The following ZRANB3 variants were observed in gnomAD, a reference collection of about 807,000 sequenced individuals.
The protein encoded by ZRANB3 is zinc finger RANBP2-type containing 3.
In ZRANB3, 125 loss-of-function variants were observed where a neutral mutation model predicts 133.8. The ratio of observed to expected loss-of-function variants is 0.93; its 90% CI spans 0.81 to 1.08. The LOEUF (loss-of-function observed/expected upper bound fraction) is 1.08, where lower values mean the gene tolerates loss of function less well. ZRANB3 is among the 50% of genes least tolerant of loss of function. The pLI, the probability that ZRANB3 is intolerant of heterozygous loss-of-function variation, is 0.00. For synonymous variants in ZRANB3, 387 were observed against 432.7 expected (o/e 0.89, Z 1.31); for missense variants, 1,229 against 1,275.5 (o/e 0.96, Z 0.56).
intron 3 of ZRANB3, among the ~76,000 whole-genome samples, chr2:135,369,598 A>G (rs1686080165): frequency 6.6e-6 from 1 of 152,268 alleles, no homozygotes; most frequent in South Asian, 2.1e-4. Flanking sequence ...AAGCAATGCA[A>G]GTTTTTTACA....
intron 1 of ZRANB3, among the ~76,000 whole-genome samples, chr2:135,523,869 A>C (rs1291920496): frequency 6.6e-6 from 1 of 152,206 alleles, no homozygotes; most frequent in Admixed American, 6.5e-5. Context: ...AGGGGTGAAG[A>C]TTGTGGGCCA....
intron 2 of ZRANB3, among the ~76,000 whole-genome samples, chr2:135,421,852 C>G (rs950296820): frequency 6.8e-6 from 1 of 146,154 alleles, no homozygotes; most frequent in African/African-American, 2.5e-5. Flanking sequence ...GCTTCTTGTT[C>G]TCCTCCTTCT....
At chr2:135,260,115 G>A (rs376247126) in intron 12 of ZRANB3, among the ~76,000 whole-genome samples, 6 of 152,280 alleles carry the variant, frequency 3.9e-5, no homozygotes, top group Admixed American at 1.3e-4. Flanking sequence ...ACAGCCTTTC[G>A]TTGCTTAGAA....
Position 135,198,133 on chromosome 2 carries a change from T to C in ZRANB3, c.*2209A>G, listed in dbSNP as rs538556252. 2 of 152,356 alleles carry C rather than the reference T, an allele frequency of 1.3e-5. No homozygotes were observed. Among genetic ancestry groups the C allele is most frequent in the East Asian group, 3.9e-4 (2 of 5,182 alleles). The allele number at this position is 152,356 out of a possible 1,614,324, so 9.4% of individuals were successfully genotyped here. Reference sequence around the variant, plus strand: ...TCTTCCTGGGGCATCTGCACTTCCTTCTGCACTCAGGATCTGCCACTTGCT... The same window carrying C: ...TCTTCCTGGGGCATCTGCACTTCCTCCTGCACTCAGGATCTGCCACTTGCT... On this transcript the variant is annotated 3_prime_UTR_variant, in exon 21 of 21. Coordinates refer to ENST00000264159, the MANE Select transcript of ZRANB3 (RefSeq NM_032143.4).
intron 20 of ZRANB3, among the ~76,000 whole-genome samples, chr2:135,201,845 C>A (rs969991444): frequency 2.0e-5 from 3 of 152,142 alleles, no homozygotes; most frequent in Non-Finnish European, 4.4e-5. Context: ...ACTGACCATA[C>A]CCAGTGGCAG....
chr2:135,495,510 T>C (rs1692625021), intron 2 of ZRANB3, among the ~76,000 whole-genome samples: 1 of 152,172 alleles, frequency 6.6e-6, no homozygotes, highest in South Asian at 2.1e-4. Flanking sequence ...AGCATAGGTG[T>C]ATATATGTGT....
At chr2:135,268,672 T>C (rs1426713572) in intron 11 of ZRANB3, among the ~76,000 whole-genome samples, 2 of 152,176 alleles carry the variant, frequency 1.3e-5, no homozygotes, top group Non-Finnish European at 2.9e-5. Context: ...GACTTGGGGC[T>C]TGAAACATTA....
intron 1 of ZRANB3, among the ~76,000 whole-genome samples, chr2:135,526,205 C>T (rs1317675240): frequency 6.7e-6 from 1 of 148,566 alleles, no homozygotes; most frequent in Admixed American, 6.7e-5. Context: ...ACTCTGTCGC[C>T]CAGGCTGGAG....
At chr2:135,416,312 C>T (rs1488092915) in intron 2 of ZRANB3, among the ~76,000 whole-genome samples, 2 of 152,184 alleles carry the variant, frequency 1.3e-5, no homozygotes, top group East Asian at 3.9e-4. Flanking sequence ...TATACACCAT[C>T]AACAGACAAA....
At chr2:135,306,810 G>A (rs1357036595) in intron 8 of ZRANB3, among the ~76,000 whole-genome samples, 6 of 151,550 alleles carry the variant, frequency 4.0e-5, no homozygotes, top group East Asian at 1.9e-4. Context: ...GGCTGGTCTC[G>A]AACTCCTGAC....
intron 3 of ZRANB3, among the ~76,000 whole-genome samples, chr2:135,386,249 C>T (rs1686965494): frequency 6.6e-6 from 1 of 152,200 alleles, no homozygotes; most frequent in Admixed American, 6.5e-5. Flanking sequence ...AAATGCTCAT[C>T]ATCACTGCTC....
chr2:135,309,238 C>T (rs898867165), intron 8 of ZRANB3, among the ~76,000 whole-genome samples: 1 of 152,078 alleles, frequency 6.6e-6, no homozygotes, highest in Non-Finnish European at 1.5e-5. Context: ...GCCTCGGCTT[C>T]CCAAAGTGCT....
intron 3 of ZRANB3, among the ~76,000 whole-genome samples, chr2:135,387,037 C>G (rs915970577): frequency 1.2e-4 from 18 of 149,608 alleles, no homozygotes; most frequent in Non-Finnish European, 2.4e-4. Context: ...TGAAAAGATA[C>G]CGAAAGAAGG....
At chr2:135,313,457 A>C in intron 8 of ZRANB3, 32 bp downstream of exon 8, 1 of 1,386,110 alleles carries the variant, frequency 7.2e-7, no homozygotes, top group South Asian at 1.2e-5. Context: ...ATTTGTATGA[A>C]GACAAATACA....
intron 17 of ZRANB3, among the ~76,000 whole-genome samples, chr2:135,210,653 G>A (rs1694058793): frequency 6.6e-6 from 1 of 151,878 alleles, no homozygotes; most frequent in Admixed American, 6.6e-5. Context: ...TTTATTTTTG[G>A]CCTGGCATGG....
At chr2:135,502,509 A>G (rs985375586) in intron 2 of ZRANB3, among the ~76,000 whole-genome samples, 5 of 152,228 alleles carry the variant, frequency 3.3e-5, no homozygotes, top group Non-Finnish European at 7.4e-5. Flanking sequence ...TATAAAATCC[A>G]TTTCATAGTT....
Position 135,379,602 on chromosome 2 carries a change from G to A in ZRANB3, c.180+11200C>T, listed in dbSNP as rs192393652. Among the ~76,000 whole-genome samples, 399 of 152,220 alleles carry A rather than the reference G, an allele frequency of 2.6e-3. 1 individual carries two copies. Among genetic ancestry groups the A allele is most frequent in the African/African-American group, 8.7e-3 (363 of 41,522 alleles). On this transcript the variant is annotated intron_variant, in intron 3 of 20. Transcript: ENST00000264159. ...GAGAAATAAAATCCTTTACAGACAA[G>A]CAAATGCTGAGAGATTTTGTCACCA...
intron 2 of ZRANB3, among the ~76,000 whole-genome samples, chr2:135,448,294 T>C (rs1270691726): frequency 1.3e-5 from 2 of 152,214 alleles, no homozygotes; most frequent in Non-Finnish European, 2.9e-5. Context: ...TGAAAACCAC[T>C]CTTGGCAATT....
In ZRANB3 at chr2:135,200,259, TA is replaced by T. The variant is rs1327152243; in HGVS notation, c.*82del. On this transcript the variant is annotated 3_prime_UTR_variant, in exon 21 of 21. Transcript: ENST00000264159. The stretch of plus-strand genomic sequence containing the variant: ...TTGTTCTGAAAATTTTTACTCTCGA[TA>T]TATTAAACAAACATGGAAAACTTCT... The T allele has an allele frequency of 4.4e-6, 5 of 1,142,726 alleles. No individual in the cohort carries two copies. The highest frequency in any genetic ancestry group is 6.3e-6 in the Non-Finnish European group (5 of 793,650). The allele number at this position is 1,142,726 out of a possible 1,614,324, so 70.8% of individuals were successfully genotyped here. A position where few individuals can be genotyped will look rare whatever the true frequency, so the allele number is the denominator to read the frequency against.
Sources: gnomAD v4.1 joint callset for allele counts (sites outside exome capture counted in the v4.1 genomes callset) on GRCh38, gnomAD v4.1.1 for gene constraint, MANE v1.5 for transcripts, NCBI Gene and HGNC (gene_info 2026-07-23, HGNC 2026-07-21) for gene names.